The following COL2A1 variants were observed in gnomAD, a reference collection of about 807,000 sequenced individuals.
COL2A1 encodes the protein collagen alpha-1(II) chain.
Under a neutral mutation model 204.5 loss-of-function variants are expected in COL2A1, and 28 were observed. The observed-to-expected ratio is 0.14, with a 90% CI of 0.10 to 0.19. The LOEUF is 0.19. Ranked by LOEUF, COL2A1 falls within the 10% of genes least tolerant of loss-of-function variation. COL2A1 has a pLI of 1.00. For synonymous variants in COL2A1, 708 were observed against 718.7 expected (o/e 0.99, Z 0.24); for missense variants, 1,388 against 2,027.5 (o/e 0.68, Z 6.06).
chr12:47,983,284 G>T, intron 31 of COL2A1, 101 bp downstream of exon 31: 5 of 1,477,190 alleles, frequency 3.4e-6, no homozygotes, highest in Non-Finnish European at 4.7e-6. Flanking sequence ...ACATTCCCAG[G>T]CCTCACAGGG....
rs2213163 is a variant in COL2A1, at chr12:47,996,802, T to A, written c.532-177A>T. Among the ~76,000 whole-genome samples the A allele has an allele frequency of 0.2, 30,988 of 152,230 alleles. 3,382 individuals are homozygous for A. The highest frequency in any genetic ancestry group is 0.33 in the East Asian group (1,697 of 5,182). On this transcript the variant is annotated intron_variant, in intron 7 of 53. Coordinates refer to ENST00000380518, the MANE Select transcript of COL2A1 (RefSeq NM_001844.5). ...CCTGGAAAGTAATTTTGGGAATGGA[T>A]TATTAGATGACAGTGGCAAAATCAT... is the stretch of plus-strand genomic sequence containing the variant.
In COL2A1 at chr12:47,995,880, C is replaced by A. The variant is rs1232544067; in HGVS notation, c.649G>T (p.Ala217Ser). Residue 217 changes from alanine (A) to serine (S), a missense_variant, in exon 9 of 54, where the codon GCT becomes TCT. Physicochemically the swap from Ala to Ser is moderately conservative, Grantham distance 99 (BLOSUM62 1). Around this residue, in one of 3 missense-constraint regions of COL2A1, gnomAD observed 884 missense variants for 1,415.8 expected, o/e 0.62. Coordinates refer to ENST00000380518, the MANE Select transcript of COL2A1 (RefSeq NM_001844.5). ...AAAGAATTGCAGATACTTACAGGAG[C>A]ACCTGCAGGGCCTGGAGGTCCTCGA... The part of the protein sequence containing the change: ...GPRGPPGPAG[A>S]PGPQGFQGNP... 2 of 1,611,970 alleles carry A rather than the reference C, an allele frequency of 1.2e-6. No homozygotes were observed. Among genetic ancestry groups the A allele is most frequent in the African/African-American group, 1.3e-5 (1 of 74,894 alleles).
chr12:47,995,320 G>A lies in COL2A1; in HGVS notation c.709-12C>T. ...GGACCCATGGGACCCTACAAACAAA[G>A]GAAGATAGTTTAAGAGATGGTTATA... On this transcript the variant is annotated splice_polypyrimidine_tract_variant and intron_variant, in intron 10 of 53. Coordinates refer to ENST00000380518, the MANE Select transcript of COL2A1 (RefSeq NM_001844.5). 2 of 1,611,796 alleles carry A rather than the reference G, an allele frequency of 1.2e-6. No homozygotes were observed. The highest frequency in any genetic ancestry group is 1.1e-5 in the South Asian group (1 of 91,036).
chr12:47,986,310 G>C, intron 23 of COL2A1, 26 bp downstream of exon 23: 1 of 1,416,110 alleles, frequency 7.1e-7, no homozygotes, highest in Non-Finnish European at 9.8e-7. Context: ...AGGCCCCATG[G>C]GATGGAGCCT....
chr12:47,981,762 G>C lies in COL2A1; in HGVS notation c.2409+14C>G. The C allele has an allele frequency of 6.4e-7, 1 of 1,552,608 alleles. No individual in the cohort carries two copies. Among genetic ancestry groups the C allele is most frequent in the Non-Finnish European group, 8.7e-7 (1 of 1,147,464 alleles). On this transcript the variant is annotated intron_variant, in intron 36 of 53. Transcript: ENST00000380518. ...GGGAGGCAAGGTGTGGAGAGGAAAG[G>C]AGCCGGGACTCACCTTCTCGCCATT...
At chr12:47,986,792 G>A in intron 22 of COL2A1, 43 bp downstream of exon 22, 3 of 1,610,704 alleles carry the variant, frequency 1.9e-6, no homozygotes, top group Middle Eastern at 1.7e-4. Flanking sequence ...GTGCCTCATA[G>A]AACAGCAGCA....
intron 2 of COL2A1, 178 bp downstream of exon 2, chr12:47,999,741 T>C: frequency 1.6e-6 from 1 of 607,260 alleles, no homozygotes; most frequent in East Asian, 3.0e-5. Flanking sequence ...TGTCTCAGGC[T>C]CGTTCACTCA....
intron 16 of COL2A1, among the ~76,000 whole-genome samples, chr12:47,992,322 T>G (rs573210000): frequency 6.6e-6 from 1 of 152,268 alleles, no homozygotes; most frequent in South Asian, 2.1e-4. Context: ...GGTTTTTTCA[T>G]CCGTAAAATG....
In COL2A1 at chr12:47,984,133, G is replaced by A; in HGVS notation, c.1895C>T (p.Pro632Leu). 6.2e-7 allele frequency: 1 copy of A among 1,613,590 alleles called. No individual in the cohort carries two copies. Residue 632 changes from proline (P) to leucine (L), a missense_variant, in exon 29 of 54, where the codon CCT becomes CTT. Pro to Leu is a moderately conservative substitution (Grantham distance 98). Coordinates refer to ENST00000380518, the MANE Select transcript of COL2A1 (RefSeq NM_001844.5). Reference sequence around the variant, plus strand: ...AGCACCTGTCTCACCATCTTTGCCAGGAAGACCCTAGACAGAAGAGAAAAA... The same window carrying A: ...AGCACCTGTCTCACCATCTTTGCCAAGAAGACCCTAGACAGAAGAGAAAAA... ...LPGAPGLRGL[P>L]GKDGETGAAG...
In COL2A1 at chr12:47,976,059, G is replaced by T; in HGVS notation, c.3501C>A (p.Gly1167=). ...CATCTTTGCCAGAGGGACCGACGGGGCCAGGAGGACCCTGCAAGAGAGAGA... is the reference window on the plus strand; with the variant it reads ...CATCTTTGCCAGAGGGACCGACGGGTCCAGGAGGACCCTGCAAGAGAGAGA... The part of the protein sequence containing the change: ...AGPSGPRGPP[G]PVGPSGKDGA... Residue 1167 remains glycine (G), a synonymous_variant, in exon 50 of 54, where the codon GGC becomes GGA. Transcript: ENST00000380518. The surrounding 1 kb of genome is among the most constrained non-coding windows in gnomAD (Gnocchi z 4.3). 2 of 1,612,106 alleles carry T rather than the reference G, an allele frequency of 1.2e-6. No individual in the cohort carries two copies. Among genetic ancestry groups the T allele is most frequent in the Non-Finnish European group, 8.5e-7 (1 of 1,178,238 alleles).
rs1939318577 is a variant in COL2A1 at position 47,985,070 on chromosome 12, A to G, written c.1758T>C (p.Arg586=). ...GPSGAPGEDG[R]PGPPGPQGAR... ...CCCCCTGAGGACCTGGAGGTCCAGGACGACCATCTTCACCAGGGGCTCCCT... is the reference window on the plus strand; with the variant it reads ...CCCCCTGAGGACCTGGAGGTCCAGGGCGACCATCTTCACCAGGGGCTCCCT... The change falls in exon 27 of 54, where the codon CGT becomes CGC. Residue 586 remains arginine (R), a synonymous_variant. Transcript: ENST00000380518. The G allele has an allele frequency of 1.2e-6, 2 of 1,613,656 alleles. No individual in the cohort carries two copies. Among genetic ancestry groups the G allele is most frequent in the Admixed American group, 3.3e-5 (2 of 59,976 alleles).
chr12:47,993,372 G>T, intron 15 of COL2A1, 86 bp downstream of exon 15: 1 of 1,033,552 alleles, frequency 9.7e-7, no homozygotes, highest in Non-Finnish European at 1.5e-6. Context: ...CACAGAATAT[G>T]AACTTTGCAC....
chr12:47,990,353 C>T (rs1441127200), intron 16 of COL2A1, among the ~76,000 whole-genome samples: 1 of 152,220 alleles, frequency 6.6e-6, no homozygotes, highest in Non-Finnish European at 1.5e-5. Flanking sequence ...TTTTCTTCAA[C>T]TTCAGTTCAG....
At chr12:47,992,843 G>A (rs1260064350) in intron 16 of COL2A1, 35 bp downstream of exon 16, 3 of 1,610,700 alleles carry the variant, frequency 1.9e-6, no homozygotes, top group African/African-American at 1.3e-5. Context: ...AAAGTGCTCG[G>A]CAAATGGTGG....
chr12:47,987,320 A>C lies in COL2A1; in HGVS notation c.1222-7T>G, dbSNP rs1939478905. The C allele has an allele frequency of 6.2e-7, 1 of 1,613,872 alleles. No homozygotes were observed. Among genetic ancestry groups the C allele is most frequent in the Admixed American group, 1.7e-5 (1 of 59,980 alleles). ...CATCTGTTCCAGGGTTACCCTGAAA[A>C]GGGAGACATTGTCAAATAAGCAGCA... On this transcript the variant is annotated splice_polypyrimidine_tract_variant and splice_region_variant and intron_variant, in intron 19 of 53. Coordinates refer to ENST00000380518, the MANE Select transcript of COL2A1 (RefSeq NM_001844.5). The surrounding 1 kb of genome is among the most constrained non-coding windows in gnomAD (Gnocchi z 4.1).
chr12:47,985,409 CCT>C (rs1223081859), intron 26 of COL2A1, 123 bp downstream of exon 26: 8 of 1,027,764 alleles, frequency 7.8e-6, no homozygotes, highest in African/African-American at 1.6e-5. Context: ...CCATCTACCC[CCT>C]GTCACAATTC....
rs1315796331 is a variant in COL2A1 at position 47,975,563 on chromosome 12, G to A, written c.3640C>T (p.Pro1214Ser). 2.5e-6 allele frequency: 4 copies of A among 1,602,890 alleles called. No homozygotes were observed. Among genetic ancestry groups the A allele is most frequent in the Non-Finnish European group, 2.5e-6 (3 of 1,179,932 alleles). The stretch of plus-strand genomic sequence containing the variant: ...GCGGACATGTCGATGCCAGGGCCAG[G>A]GGGACCTGGAGGACCAGGGGGTCCA... ...NPGPPGPPGPPGPGIDMSAFA... is the reference protein window; with the variant it reads ...NPGPPGPPGPSGPGIDMSAFA... Residue 1214 changes from proline (P) to serine (S), a missense_variant, in exon 51 of 54, where the codon CCT (proline) becomes TCT (serine). Physicochemically the swap from Pro to Ser is moderately conservative, Grantham distance 74 (BLOSUM62 -1). Transcript: ENST00000380518.
At chr12:47,977,909 C>G (rs1345623618) in intron 44 of COL2A1, 101 bp downstream of exon 44, 2 of 1,185,210 alleles carry the variant, frequency 1.7e-6, no homozygotes, top group African/African-American at 3.0e-5. Flanking sequence ...CCACCCCCTT[C>G]TCCAGGGCCC....
chr12:47,998,994 C>G (rs1940100594), intron 2 of COL2A1: 5 of 154,596 alleles, frequency 3.2e-5, no homozygotes, highest in Admixed American at 3.2e-4. Flanking sequence ...ATAGTAAAGG[C>G]AATCAACACT....
Sources: allele counts gnomAD v4.1 joint callset (sites outside exome capture counted in the v4.1 genomes callset), GRCh38; gene constraint gnomAD v4.1.1; regional missense constraint gnomAD v4.1.1; non-coding constraint Gnocchi (gnomAD v3.1); transcripts MANE v1.5; gene names NCBI Gene and HGNC (gene_info 2026-07-23, HGNC 2026-07-21).